Variants in BRAF observed in about 807,000 individuals in gnomAD.
The protein encoded by BRAF is B-Raf proto-oncogene, serine/threonine kinase.
Under a neutral mutation model 104.6 loss-of-function variants are expected in BRAF, and 16 were observed. The ratio of observed to expected loss-of-function variants is 0.15; its 90% confidence interval spans 0.10 to 0.23. The LOEUF (loss-of-function observed/expected upper bound fraction) is 0.23, where lower values mean the gene tolerates loss of function less well. Among genes scored for constraint, BRAF ranks in the 10% least tolerant of loss-of-function variants. The pLI, the probability that BRAF is intolerant of heterozygous loss-of-function variation, is 1.00. For synonymous variants in BRAF, 310 were observed against 341.6 expected, an observed-to-expected ratio of 0.91 and a Z score of 1.02; for missense variants, 541 against 937.3, an observed-to-expected ratio of 0.58 and a Z score of 5.52.
At chr7:140,810,997 G>A (rs1305365392) in intron 3 of BRAF, among the ~76,000 whole-genome samples, 3 of 152,126 alleles carry the variant, frequency 2.0e-5, no homozygotes, top group African/African-American at 4.8e-5. Flanking sequence ...GTGCTGTTTA[G>A]GGCTGGTAAG....
chr7:140,859,050 A>T (rs986591148), intron 1 of BRAF, among the ~76,000 whole-genome samples: 19 of 152,336 alleles, frequency 1.2e-4, no homozygotes, highest in African/African-American at 3.8e-4. Flanking sequence ...AGCCAGAGCC[A>T]ATTAAAAAAA....
At chr7:140,823,177 A>T (rs1307231523) in intron 3 of BRAF, among the ~76,000 whole-genome samples, 2 of 152,198 alleles carry the variant, frequency 1.3e-5, no homozygotes, top group Non-Finnish European at 2.9e-5. Flanking sequence ...GGTAAAATAT[A>T]TCTAACATAA....
intron 1 of BRAF, among the ~76,000 whole-genome samples, chr7:140,875,592 G>A (rs546678553): frequency 1.3e-5 from 2 of 152,290 alleles, no homozygotes; most frequent in African/African-American, 2.4e-5. Context: ...TGGCCAGGCT[G>A]GTCTCGAACT....
rs773158149 is a variant in BRAF, at chr7:140,724,229, C to G, written c.*2265G>C. 9.4e-7 allele frequency: 1 copy of G among 1,058,840 alleles called. No individual in the cohort carries two copies. The highest frequency in any genetic ancestry group is 1.6e-5 in the African/African-American group (1 of 60,622). 65.6% of individuals were successfully genotyped at this position (1,058,840 alleles called of 1,614,324 possible). ...TGCCCCTGCCCCACGGAGGCAGTCC[C>G]GGACCCAGGCTGCACATGTTCTACC... On this transcript the variant is annotated 3_prime_UTR_variant, in exon 20 of 20. Transcript: ENST00000644969.
chr7:140,911,139 G>A (rs552224450), intron 1 of BRAF, among the ~76,000 whole-genome samples: 1 of 152,050 alleles, frequency 6.6e-6, no homozygotes, highest in Non-Finnish European at 1.5e-5. Context: ...AGTCATTTAA[G>A]TATTAGACAG....
At chr7:140,888,651 C>T (rs1372801693) in intron 1 of BRAF, among the ~76,000 whole-genome samples, 2 of 152,018 alleles carry the variant, frequency 1.3e-5, no homozygotes, top group South Asian at 2.1e-4. Context: ...GCCTGACCAA[C>T]GTGGAGAAAC....
chr7:140,734,609 A>G lies in BRAF; in HGVS notation c.2401+8T>C, dbSNP rs759011442. On this transcript the variant is annotated splice_region_variant and intron_variant, in intron 19 of 19. Transcript: ENST00000644969. ...TCACTCATTTGTTTCAGTGGACAGG[A>G]AACGCACCATATCCCCCTGCCTGGA... The G allele has an allele frequency of 6.2e-7, 1 of 1,613,934 alleles. No individual in the cohort carries two copies. Among genetic ancestry groups the G allele is most frequent in the East Asian group, 2.2e-5 (1 of 44,872 alleles).
intron 1 of BRAF, among the ~76,000 whole-genome samples, chr7:140,852,924 T>A (rs539598066): frequency 8.0e-4 from 122 of 152,324 alleles, no homozygotes; most frequent in African/African-American, 2.8e-3. Context: ...CATCCTTGAC[T>A]CTTTTCTCAC....
intron 16 of BRAF, among the ~76,000 whole-genome samples, chr7:140,750,390 A>G (rs1177866759): frequency 6.6e-6 from 1 of 152,216 alleles, no homozygotes; most frequent in Non-Finnish European, 1.5e-5. Context: ...ACAGCTGTAA[A>G]TGAGAATGAC....
At chr7:140,796,830 C>G (rs528078175) in intron 7 of BRAF, among the ~76,000 whole-genome samples, 59 of 152,230 alleles carry the variant, frequency 3.9e-4, no homozygotes, top group African/African-American at 1.4e-3. Flanking sequence ...AATTTGATTT[C>G]CCATAAATCT....
chr7:140,718,911 G>A (rs1795198850), downstream of BRAF, among the ~76,000 whole-genome samples: 1 of 152,202 alleles, frequency 6.6e-6, no homozygotes, highest in African/African-American at 2.4e-5. Context: ...GCGTGCGTGT[G>A]CTGTGTTGCT....
intron 1 of BRAF, among the ~76,000 whole-genome samples, chr7:140,898,935 T>C (rs987110951): frequency 2.6e-5 from 4 of 152,200 alleles, no homozygotes; most frequent in African/African-American, 9.6e-5. Context: ...TTCATACATA[T>C]TGATGCAGGC....
intron 1 of BRAF, among the ~76,000 whole-genome samples, chr7:140,911,117 G>A (rs1198972226): frequency 1.3e-5 from 2 of 152,100 alleles, no homozygotes; most frequent in Admixed American, 1.3e-4. Context: ...TAAGAGTACC[G>A]AAAAAGAATT....
intron 7 of BRAF, among the ~76,000 whole-genome samples, chr7:140,796,389 A>C (rs2129039877): frequency 6.6e-6 from 1 of 152,084 alleles, no homozygotes; most frequent in East Asian, 1.9e-4. Context: ...AAAAGTATGA[A>C]TAACTAGAAT....
intron 18 of BRAF, among the ~76,000 whole-genome samples, chr7:140,737,409 C>T (rs1796530145): frequency 6.6e-6 from 1 of 152,194 alleles, no homozygotes. Context: ...TTGCATTTTA[C>T]TGACTGCCAT....
At chr7:140,794,913 A>C (rs998828795) in intron 7 of BRAF, among the ~76,000 whole-genome samples, 3 of 152,260 alleles carry the variant, frequency 2.0e-5, no homozygotes, top group Non-Finnish European at 2.9e-5. Flanking sequence ...ATACAAATGC[A>C]TATTTCAGGA....
chr7:140,891,116 C>T (rs1019449192), intron 1 of BRAF, among the ~76,000 whole-genome samples: 2 of 152,074 alleles, frequency 1.3e-5, no homozygotes, highest in African/African-American at 4.8e-5. Flanking sequence ...TTCAAATAAT[C>T]AAGATGTGCC....
intron 12 of BRAF, among the ~76,000 whole-genome samples, chr7:140,779,181 A>T (rs547566514): frequency 7.9e-5 from 12 of 152,302 alleles, no homozygotes; most frequent in Admixed American, 2.6e-4. Flanking sequence ...GAGAGAGGTG[A>T]TTGGCTAGAA....
At position 140,783,144 on chromosome 7, in the gene BRAF, A is replaced by T; in HGVS notation, c.1311T>A (p.Gly437=). 1 of 1,614,052 alleles carries T rather than the reference A, an allele frequency of 6.2e-7. No homozygotes were observed. The highest frequency in any genetic ancestry group is 2.2e-5 in the East Asian group (1 of 44,866). Residue 437 remains glycine (G), a synonymous_variant, in exon 11 of 20, where the codon GGT becomes GGA. Transcript: ENST00000644969. Reference sequence around the variant, plus strand: ...ATGAGGCAGGGGGGGTAGCAGACAAACCTGTGGTTGATCCTAAATTAGTGA... The same window carrying T: ...ATGAGGCAGGGGGGGTAGCAGACAATCCTGTGGTTGATCCTAAATTAGTGA... The part of the protein sequence containing the change: ...PGPVFRGSTT[G]LSATPPASLP...
Sources: gnomAD v4.1 joint callset for allele counts (sites outside exome capture counted in the v4.1 genomes callset) on GRCh38, gnomAD v4.1.1 for gene constraint, MANE v1.5 for transcripts, NCBI Gene and HGNC (gene_info 2026-07-23, HGNC 2026-07-21) for gene names.